SPATA6: variants seen among roughly 807,000 people sequenced by gnomAD.
The protein encoded by SPATA6 is spermatogenesis associated 6, also known as spermatogenesis-associated protein 6.
A neutral mutation model predicts 65.3 loss-of-function variants in SPATA6; 56 were observed. That is an observed-to-expected ratio of 0.86 (90% CI 0.69 to 1.07). SPATA6 has a LOEUF of 1.07. SPATA6 is among the 50% of genes least tolerant of loss of function. The probability of loss-of-function intolerance (pLI) is 0.00; values close to 1 mark genes in which losing one functional copy is unlikely to be tolerated. For synonymous variants in SPATA6, 199 were observed against 213.2 expected, an observed-to-expected ratio of 0.93 and a Z score of 0.58; for missense variants, 590 against 594.8, an observed-to-expected ratio of 0.99 and a Z score of 0.08.
chr1:48,333,149 T>C (rs2148735524), intron 11 of SPATA6, among the ~76,000 whole-genome samples: 1 of 152,196 alleles, frequency 6.6e-6, no homozygotes, highest in East Asian at 1.9e-4. Flanking sequence ...TCACCAACAA[T>C]GTGGGTGAGC....
intron 1 of SPATA6, among the ~76,000 whole-genome samples, chr1:48,468,744 T>C (rs1171472646): frequency 6.6e-6 from 1 of 152,036 alleles, no homozygotes; most frequent in Non-Finnish European, 1.5e-5. Flanking sequence ...TATATTAAAA[T>C]GAACTACAAA....
chr1:48,285,696 T>C, the SPATA6 span, among the ~76,000 whole-genome samples: 5 of 151,732 alleles, frequency 3.3e-5, no homozygotes, highest in African/African-American at 9.7e-5. Context: ...TGGCAGGGAG[T>C]TCCTGACCAC....
At chr1:48,386,477 G>A (rs944070641) in intron 8 of SPATA6, among the ~76,000 whole-genome samples, 2 of 152,152 alleles carry the variant, frequency 1.3e-5, no homozygotes, top group Admixed American at 6.5e-5. Flanking sequence ...AACCAAAAGA[G>A]CAGATAGATA....
chr1:48,359,326 T>C (rs890500551), intron 10 of SPATA6, among the ~76,000 whole-genome samples: 1 of 152,188 alleles, frequency 6.6e-6, no homozygotes, highest in African/African-American at 2.4e-5. Flanking sequence ...TATATTACTT[T>C]TCACTTTTAA....
At position 48,451,709 on chromosome 1, in the gene SPATA6, T is replaced by C. The variant is rs1656586830; in HGVS notation, c.190-109A>G. ...ACAATCACAGAAACTTTTGACATTA[T>C]TGAGAACTGTCAGTTCCTCTCTCCT... On this transcript the variant is annotated intron_variant, in intron 2 of 12. Coordinates refer to ENST00000371847, the MANE Select transcript of SPATA6 (RefSeq NM_019073.4). 7 of 1,010,558 alleles carry C rather than the reference T, an allele frequency of 6.9e-6. No individual in the cohort carries two copies. In the East Asian group the frequency reaches 1.6e-4, roughly 23 times the overall value. The allele number at this position is 1,010,558 out of a possible 1,614,324, so 62.6% of individuals were successfully genotyped here.
chr1:48,286,203 T>TA, the SPATA6 span, among the ~76,000 whole-genome samples: 365 of 147,010 alleles, frequency 2.5e-3, 1 homozygote, highest in Non-Finnish European at 2.8e-3. Context: ...TCTTTTTCTG[T>TA]AAAAAAAAAA....
chr1:48,398,323 G>A (rs1342724690), intron 7 of SPATA6, among the ~76,000 whole-genome samples: 2 of 151,398 alleles, frequency 1.3e-5, no homozygotes, highest in South Asian at 2.1e-4. Context: ...TCAAAATACA[G>A]GTGGAATGAA....
intron 11 of SPATA6, among the ~76,000 whole-genome samples, chr1:48,308,946 C>T (rs766292216): frequency 1.3e-5 from 2 of 151,998 alleles, no homozygotes; most frequent in Non-Finnish European, 2.9e-5. Flanking sequence ...AATGCAGTGG[C>T]GAAATCATAG....
chr1:48,283,580 G>A, the SPATA6 span, among the ~76,000 whole-genome samples: 3 of 148,872 alleles, frequency 2.0e-5, no homozygotes, highest in Admixed American at 2.0e-4. Flanking sequence ...TCAGGAGGCT[G>A]AGGCAGGAGA....
At chr1:48,290,691 G>T (rs575151770), downstream of SPATA6, among the ~76,000 whole-genome samples, 31 of 152,200 alleles carry the variant, frequency 2.0e-4, no homozygotes, top group Non-Finnish European at 3.1e-4. Flanking sequence ...AGCAGAAGTT[G>T]CAATCCTAGT....
chr1:48,362,811 G>C (rs765920030), intron 9 of SPATA6, among the ~76,000 whole-genome samples: 1 of 152,054 alleles, frequency 6.6e-6, no homozygotes, highest in Non-Finnish European at 1.5e-5. Context: ...GAGCAAAGAT[G>C]AAAAATGAAT....
At position 48,359,871 on chromosome 1, in the gene SPATA6, GCACA is replaced by G. The variant is rs142011220; in HGVS notation, c.910-105_910-102del. 2.2e-5 allele frequency: 18 copies of G among 817,538 alleles called. No individual in the cohort carries two copies. In the South Asian group the frequency reaches 3.2e-4, roughly 15 times the overall value. The allele number at this position is 817,538 out of a possible 1,614,324, so 50.6% of individuals were successfully genotyped here. On this transcript the variant is annotated intron_variant, in intron 9 of 12. Transcript: ENST00000371847. The stretch of plus-strand genomic sequence containing the variant: ...GTATGCATAGTAGTCATATGCATGT[GCACA>G]CACACACTAATTTTATAAAAGTAAT...
intron 1 of SPATA6, among the ~76,000 whole-genome samples, chr1:48,459,371 AAG>A: frequency 6.6e-6 from 1 of 152,282 alleles, no homozygotes; most frequent in East Asian, 1.9e-4. Context: ...AGACTTCAGA[AAG>A]AGAAAAATCA....
intron 8 of SPATA6, chr1:48,393,237 T>C (rs1041281940): frequency 6.6e-6 from 1 of 152,086 alleles, no homozygotes; most frequent in Non-Finnish European, 1.5e-5. Context: ...TCCCCAGTAG[T>C]GGAGAAATAC....
chr1:48,412,960 A>C (rs1021990837), intron 4 of SPATA6, 150 bp downstream of exon 4: 2 of 235,774 alleles, frequency 8.5e-6, no homozygotes, highest in Non-Finnish European at 1.6e-5. Flanking sequence ...TGTCACTCAC[A>C]TGAGTTCCCA....
In SPATA6 at chr1:48,355,631, A is replaced by G. The variant is rs558762487; in HGVS notation, c.1194+39T>C. On this transcript the variant is annotated intron_variant, in intron 11 of 12. Coordinates refer to ENST00000371847, the MANE Select transcript of SPATA6 (RefSeq NM_019073.4). ...GCATCTTTGGTGGTTTTCTTGACCTATTATAAATAGTCTTCAAAAAAAAAT... is the reference window on the plus strand; with the variant it reads ...GCATCTTTGGTGGTTTTCTTGACCTGTTATAAATAGTCTTCAAAAAAAAAT... 1.0e-5 allele frequency: 15 copies of G among 1,456,428 alleles called. No individual in the cohort carries two copies. In the African/African-American group the frequency reaches 1.8e-4, roughly 18 times the overall value. 90.2% of individuals were successfully genotyped at this position (1,456,428 alleles called of 1,614,324 possible).
At chr1:48,289,036 C>T in the SPATA6 span, among the ~76,000 whole-genome samples, 40 of 152,318 alleles carry the variant, frequency 2.6e-4, no homozygotes, top group African/African-American at 9.1e-4. Context: ...TGAGAACCAA[C>T]AGACTGCCAC....
intron 1 of SPATA6, among the ~76,000 whole-genome samples, chr1:48,457,963 T>C (rs533474877): frequency 6.6e-6 from 1 of 151,252 alleles, no homozygotes; most frequent in Non-Finnish European, 1.5e-5. Flanking sequence ...GTAATTTGTA[T>C]GACAATAATA....
intron 11 of SPATA6, among the ~76,000 whole-genome samples, chr1:48,319,980 C>T (rs1317264141): frequency 6.6e-6 from 1 of 152,166 alleles, no homozygotes; most frequent in African/African-American, 2.4e-5. Flanking sequence ...GCACCCCTGC[C>T]TTAGTGTCAT....
Sources: allele counts gnomAD v4.1 joint callset (sites outside exome capture counted in the v4.1 genomes callset), GRCh38; gene constraint gnomAD v4.1.1; transcripts MANE v1.5; gene names NCBI Gene and HGNC (gene_info 2026-07-23, HGNC 2026-07-21).